Variants in ZC3H13 observed in about 807,000 individuals in gnomAD.
The protein encoded by ZC3H13 is zinc finger CCCH domain-containing protein 13.
In ZC3H13, 64 loss-of-function variants were observed where a neutral mutation model predicts 204.1. The observed-to-expected ratio is 0.31, with a 90% confidence interval of 0.26 to 0.39. The LOEUF is 0.39. Ranked by LOEUF, ZC3H13 falls within the 10% of genes least tolerant of loss-of-function variation. The pLI, the probability that ZC3H13 is intolerant of heterozygous loss-of-function variation, is 1.00. For missense variants in ZC3H13, 1,833 were observed against 2,082.7 expected, an observed-to-expected ratio of 0.88 and a Z score of 2.33; for synonymous variants, 667 against 693.7, an observed-to-expected ratio of 0.96 and a Z score of 0.60.
At chr13:46,027,891 C>T (rs184078701) in intron 4 of ZC3H13, among the ~76,000 whole-genome samples, 67 of 152,094 alleles carry the variant, frequency 4.4e-4, no homozygotes, top group African/African-American at 1.5e-3. Context: ...AAAAAAGGCA[C>T]AAAACAAGTG....
intron 4 of ZC3H13, among the ~76,000 whole-genome samples, chr13:46,026,241 A>T (rs193204723): frequency 1.6e-4 from 24 of 152,232 alleles, no homozygotes; most frequent in African/African-American, 5.5e-4. Context: ...AACCAAAATA[A>T]CATCATCTCT....
At chr13:46,006,318 G>A (rs2041146833) in intron 7 of ZC3H13, among the ~76,000 whole-genome samples, 1 of 151,708 alleles carries the variant, frequency 6.6e-6, no homozygotes, top group Non-Finnish European at 1.5e-5. Flanking sequence ...AATGCTCAGG[G>A]AGATTGATTA....
At chr13:46,051,367 C>T (rs1293905699) in intron 1 of ZC3H13, among the ~76,000 whole-genome samples, 1 of 152,096 alleles carries the variant, frequency 6.6e-6, no homozygotes, top group African/African-American at 2.4e-5. Context: ...TTTTTAAAGC[C>T]GCAATTGTTA....
At chr13:45,993,633 T>G (rs1209608926) in intron 8 of ZC3H13, among the ~76,000 whole-genome samples, 2 of 152,164 alleles carry the variant, frequency 1.3e-5, no homozygotes, top group African/African-American at 4.8e-5. Flanking sequence ...GGTGGTTAAG[T>G]GCCATTTAAA....
At chr13:45,985,799 T>C in intron 9 of ZC3H13, 38 bp from the exon 10 acceptor site, 3 of 1,531,502 alleles carry the variant, frequency 2.0e-6, no homozygotes, top group Non-Finnish European at 2.6e-6. Context: ...TAATTGCTTT[T>C]ACAAAGTTTC....
In ZC3H13 at chr13:46,026,887, A is replaced by G. The variant is rs1593737088; in HGVS notation, c.340-6330T>C. Among the ~76,000 whole-genome samples, 7 of 152,312 alleles carry G rather than the reference A, an allele frequency of 4.6e-5. 1 individual carries two copies. Among genetic ancestry groups the G allele is most frequent in the Admixed American group, 4.6e-4 (7 of 15,302 alleles). ...CAAATTCAACAACAACAAAAAAATA[A>G]GCAACCAAAGAAGGAATTTAAAGAC... On this transcript the variant is annotated intron_variant, in intron 4 of 18. Coordinates refer to ENST00000679008, the MANE Select transcript of ZC3H13 (RefSeq NM_001330564.2).
At chr13:46,023,809 G>A (rs555731127) in intron 4 of ZC3H13, among the ~76,000 whole-genome samples, 2 of 152,154 alleles carry the variant, frequency 1.3e-5, no homozygotes, top group East Asian at 1.9e-4. Flanking sequence ...TCACAGCTCC[G>A]CTCTGCCTAA....
Position 46,042,242 on chromosome 13 carries a change from T to G in ZC3H13, c.261A>C (p.Glu87Asp). 1.9e-6 allele frequency: 3 copies of G among 1,613,420 alleles called. No homozygotes were observed. In the South Asian group the frequency reaches 3.3e-5, roughly 18 times the overall value. ...CGTCTTGGCGCTTGTTCTTCATTCT[T>G]TCTCTAAGATCCCCTGTAGGTCTTT... ...SPERPTGDLR[E>D]RMKNKRQDVD... is the part of the protein sequence containing the mutation. The change falls in exon 4 of 19, where the codon GAA becomes GAC. Residue 87 changes from glutamate (E) to aspartate (D), a missense_variant. By Grantham distance (45) the Glu-to-Asp change is conservative. Around this residue, in one of 5 missense-constraint regions of ZC3H13, gnomAD observed 1,574 missense variants for 1,757.2 expected, o/e 0.90. Coordinates refer to ENST00000679008, the MANE Select transcript of ZC3H13 (RefSeq NM_001330564.2).
In ZC3H13 at chr13:46,045,388, C is replaced by T. The variant is rs770880265; in HGVS notation, c.117+3G>A. On this transcript the variant is annotated splice_donor_region_variant and intron_variant, in intron 2 of 18. Coordinates refer to ENST00000679008, the MANE Select transcript of ZC3H13 (RefSeq NM_001330564.2). Reference sequence around the variant, plus strand: ...CCCTGTGACTATACTAGTGACAACTCACCTCTGCTGTACTGCCAGTGCTGG... The same window carrying T: ...CCCTGTGACTATACTAGTGACAACTTACCTCTGCTGTACTGCCAGTGCTGG... 10 of 1,612,040 alleles carry T rather than the reference C, an allele frequency of 6.2e-6. No homozygotes were observed. Among genetic ancestry groups the T allele is most frequent in the Non-Finnish European group, 8.5e-6 (10 of 1,178,186 alleles).
chr13:46,042,079 T>C, intron 4 of ZC3H13, 85 bp downstream of exon 4: 1 of 1,045,484 alleles, frequency 9.6e-7, no homozygotes, highest in East Asian at 2.4e-5. Context: ...ATTTACCATA[T>C]ATTTAGCACA....
intron 15 of ZC3H13, 36 bp downstream of exon 15, chr13:45,967,468 T>TAAAGCAGTATC (rs778190235): frequency 6.7e-7 from 1 of 1,491,840 alleles, no homozygotes; most frequent in Non-Finnish European, 8.9e-7. Flanking sequence ...TGAAAAGAAA[T>TAAAGCAGTATC]AAAGCAGTAT....
At chr13:45,993,970 T>C (rs188049215) in intron 8 of ZC3H13, among the ~76,000 whole-genome samples, 3 of 152,250 alleles carry the variant, frequency 2.0e-5, no homozygotes, top group Admixed American at 6.5e-5. Context: ...CATTTTTGCA[T>C]GCACAAACGC....
intron 10 of ZC3H13, among the ~76,000 whole-genome samples, chr13:45,982,986 T>C (rs1953790439): frequency 6.6e-6 from 1 of 151,952 alleles, no homozygotes; most frequent in Non-Finnish European, 1.5e-5. Context: ...AAACTATAAG[T>C]AGAAATCAAC....
Position 46,003,250 on chromosome 13 carries a change from T to C in ZC3H13, c.833A>G (p.Lys278Arg), listed in dbSNP as rs925250441. 6.2e-7 allele frequency: 1 copy of C among 1,613,234 alleles called. No individual in the cohort carries two copies. Among genetic ancestry groups the C allele is most frequent in the African/African-American group, 1.3e-5 (1 of 74,854 alleles). The change falls in exon 8 of 19, where the codon AAA (lysine) becomes AGA (arginine). Residue 278 changes from lysine (K) to arginine (R), a missense_variant. Transcript: ENST00000679008. ...TACTTTATATTTTTCTTTGTATTTT[T>C]TCCCCAGAGCGATATCTTCTGGTAT... ...PPIPEDIALGKKYKEKYKVKD... is the reference protein window; with the variant it reads ...PPIPEDIALGRKYKEKYKVKD...
intron 4 of ZC3H13, among the ~76,000 whole-genome samples, chr13:46,035,549 G>A (rs9534291): frequency 0.027 from 4,166 of 152,194 alleles, 95 homozygotes; most frequent in Middle Eastern, 0.075. Context: ...TTTCCACCAG[G>A]TGGTAGATAC....
At chr13:46,012,141 A>G (rs2041607329) in intron 5 of ZC3H13, among the ~76,000 whole-genome samples, 2 of 152,002 alleles carry the variant, frequency 1.3e-5, no homozygotes, top group African/African-American at 4.8e-5. Context: ...GATTTGTACT[A>G]TTTCCTTAGA....
rs768998182 is a variant in ZC3H13 at position 45,969,923 on chromosome 13, C to A, written c.2621G>T (p.Arg874Leu). The A allele has an allele frequency of 1.9e-6, 3 of 1,613,282 alleles. No individual in the cohort carries two copies. In the African/African-American group the frequency reaches 4.0e-5, roughly 22 times the overall value. The change falls in exon 14 of 19, where the codon CGT becomes CTT. Residue 874 changes from arginine to leucine, a missense_variant. Arg to Leu is a moderately radical substitution (Grantham distance 102). This residue lies in a region of ZC3H13 where 1,574 missense variants were observed against 1,757.2 expected (regional missense o/e 0.90). Transcript: ENST00000679008. ...LSQVVRPQES[R>L]SLSPSHLTED... is the part of the protein sequence containing the mutation. ...TGTGAGGTGCGAGGGACTAAGAGAA[C>A]GAGATTCTTGAGGTCGTACAACTTG...
intron 4 of ZC3H13, among the ~76,000 whole-genome samples, chr13:46,028,986 A>C (rs1287563006): frequency 6.6e-6 from 1 of 152,164 alleles, no homozygotes; most frequent in Non-Finnish European, 1.5e-5. Flanking sequence ...ACAGAAATTC[A>C]ATAGAGAAAA....
chr13:46,004,720 ACT>A (rs1012155914), intron 7 of ZC3H13, among the ~76,000 whole-genome samples: 1 of 152,132 alleles, frequency 6.6e-6, no homozygotes, highest in Non-Finnish European at 1.5e-5. Context: ...AATATCAACC[ACT>A]GTCAGTATAT....
Sources: allele counts gnomAD v4.1 joint callset (sites outside exome capture counted in the v4.1 genomes callset), GRCh38; gene constraint gnomAD v4.1.1; regional missense constraint gnomAD v4.1.1; transcripts MANE v1.5; gene names NCBI Gene and HGNC (gene_info 2026-07-23, HGNC 2026-07-21).